MORN1: variants seen among roughly 807,000 people sequenced by gnomAD.
MORN1 encodes MORN repeat-containing protein 1.
MORN1 carries 67 observed loss-of-function variants against 61.9 expected under a neutral mutation model. The observed-to-expected ratio is 1.08, with a 90% CI of 0.89 to 1.33. The LOEUF is 1.33. MORN1 is among the 40% of genes most tolerant of loss of function. MORN1 has a pLI of 0.00. For synonymous variants in MORN1, 301 were observed against 292.0 expected, an observed-to-expected ratio of 1.03 and a Z score of -0.31; for missense variants, 752 against 691.2, an observed-to-expected ratio of 1.09 and a Z score of -0.99.
In MORN1 at chr1:2,327,101, C is replaced by A. The variant is rs1296900230; in HGVS notation, c.1251-2958G>T. Among the ~76,000 whole-genome samples the A allele has an allele frequency of 2.0e-5, 3 of 151,598 alleles. 1 individual carries two copies. The South Asian group carries it at 6.3e-4, about 32-fold the overall frequency. ...ACAAACACAGAGACACAGAAACACACAGAAACACACAGAAACACAGAAACA... is the reference window on the plus strand; with the variant it reads ...ACAAACACAGAGACACAGAAACACAAAGAAACACACAGAAACACAGAAACA... On this transcript the variant is annotated intron_variant, in intron 12 of 13. Coordinates refer to ENST00000378531, the MANE Select transcript of MORN1 (RefSeq NM_024848.3).
intron 9 of MORN1, among the ~76,000 whole-genome samples, chr1:2,358,132 T>C (rs1569987209): frequency 6.6e-6 from 1 of 152,296 alleles, no homozygotes; most frequent in East Asian, 1.9e-4. Flanking sequence ...GTGCACACAC[T>C]GGCCTGGTCC....
intron 10 of MORN1, chr1:2,350,325 A>G (rs1641616613): frequency 6.6e-6 from 1 of 152,250 alleles, no homozygotes; most frequent in Non-Finnish European, 1.5e-5. Flanking sequence ...ACAACTAAAC[A>G]ACTGAAATAT....
At chr1:2,335,161 G>A (rs1304026788) in intron 12 of MORN1, among the ~76,000 whole-genome samples, 5 of 152,220 alleles carry the variant, frequency 3.3e-5, no homozygotes, top group Admixed American at 2.0e-4. Context: ...TCGAAGGCCT[G>A]CCAGTGCCAG....
At chr1:2,322,680 C>T (rs768362825) in intron 13 of MORN1, 16 of 985,366 alleles carry the variant, frequency 1.6e-5, no homozygotes, top group Non-Finnish European at 1.8e-5. Flanking sequence ...AAGAGCCCCA[C>T]ATGGCAACGC....
intron 10 of MORN1, among the ~76,000 whole-genome samples, chr1:2,347,179 G>A (rs1641536974): frequency 6.6e-6 from 1 of 152,206 alleles, no homozygotes; most frequent in Non-Finnish European, 1.5e-5. Flanking sequence ...TTTGCTGGGG[G>A]AGGTGGTTTC....
chr1:2,348,642 C>T (rs547878994), intron 10 of MORN1, among the ~76,000 whole-genome samples: 26 of 151,792 alleles, frequency 1.7e-4, no homozygotes, highest in Middle Eastern at 3.4e-3. Flanking sequence ...CACGCACCTG[C>T]GCAGGCACGC....
chr1:2,355,368 C>A (rs1569980778), intron 10 of MORN1: 1 of 1,538,372 alleles, frequency 6.5e-7, no homozygotes, highest in Non-Finnish European at 8.8e-7. Context: ...GGGATGCCTG[C>A]ATGCTCTTTT....
intron 8 of MORN1, among the ~76,000 whole-genome samples, chr1:2,369,524 G>A (rs762085023): frequency 1.3e-5 from 2 of 151,928 alleles, no homozygotes; most frequent in East Asian, 1.9e-4. Context: ...CAATATGATC[G>A]TATATAGAGA....
At chr1:2,391,412 G>A (rs1570067105) in intron 1 of MORN1, 46 bp downstream of exon 1, 3 of 1,253,152 alleles carry the variant, frequency 2.4e-6, no homozygotes, top group South Asian at 7.2e-5. Context: ...ACCCTGAATG[G>A]AGCCCAGGGC....
At chr1:2,390,447 G>A (rs1642622134) in intron 1 of MORN1, 3 of 985,412 alleles carry the variant, frequency 3.0e-6, no homozygotes, top group Non-Finnish European at 3.6e-6. Flanking sequence ...TCGCTGGGGA[G>A]AAAATCCACA....
chr1:2,321,545 G>C lies in MORN1; in HGVS notation c.1332C>G (p.Thr444=), dbSNP rs1209694345. ...GCAGCCTGCGCCCCAGGAACGGCGG[G>C]GTGGTCACGTCGCGGATCATGAGCA... ...EYVLMIRDVT[T]PPFLGRRLPP... The change falls in exon 14 of 14, where the codon ACC becomes ACG. Residue 444 remains threonine, a synonymous_variant. Coordinates refer to ENST00000378531, the MANE Select transcript of MORN1 (RefSeq NM_024848.3). 9 of 1,527,050 alleles carry C rather than the reference G, an allele frequency of 5.9e-6. No individual in the cohort carries two copies. The highest frequency in any genetic ancestry group is 7.9e-6 in the Non-Finnish European group (9 of 1,135,602). The allele number at this position is 1,527,050 out of a possible 1,614,324, so 94.6% of individuals were successfully genotyped here.
intron 10 of MORN1, among the ~76,000 whole-genome samples, chr1:2,353,051 C>T (rs556342373): frequency 7.9e-5 from 12 of 152,326 alleles, no homozygotes; most frequent in Admixed American, 4.6e-4. Flanking sequence ...CAGCTGCCTG[C>T]GGTCCCAGGA....
At chr1:2,368,660 T>C (rs1342884879) in intron 8 of MORN1, among the ~76,000 whole-genome samples, 1 of 152,152 alleles carries the variant, frequency 6.6e-6, no homozygotes, top group African/African-American at 2.4e-5. Flanking sequence ...GATCTACAAA[T>C]GGCCCATAGC....
intron 8 of MORN1, among the ~76,000 whole-genome samples, chr1:2,367,009 T>C (rs149126369): frequency 2.7e-5 from 4 of 149,106 alleles, no homozygotes; most frequent in Non-Finnish European, 6.0e-5. Flanking sequence ...CATAGAAAAA[T>C]ACATAGAAAA....
chr1:2,323,092 C>G (rs888710178), intron 13 of MORN1: 6 of 985,398 alleles, frequency 6.1e-6, no homozygotes, highest in African/African-American at 1.7e-5. Flanking sequence ...AGCGCCTAGC[C>G]GATTCCTGTC....
intron 13 of MORN1, among the ~76,000 whole-genome samples, 174 bp from the exon 14 acceptor site, chr1:2,321,753 C>T (rs1165960687): frequency 2.0e-5 from 3 of 152,248 alleles, no homozygotes; most frequent in Admixed American, 6.5e-5. Flanking sequence ...GCCACCGGAC[C>T]GGTCCTGGGG....
At chr1:2,378,879 T>C in intron 6 of MORN1, 1 of 453,308 alleles carries the variant, frequency 2.2e-6, no homozygotes, top group South Asian at 1.6e-5. Context: ...CCAGGACCTC[T>C]GTGGCTTCCG....
intron 10 of MORN1, among the ~76,000 whole-genome samples, chr1:2,346,045 G>A (rs1641509632): frequency 9.2e-6 from 1 of 109,270 alleles, no homozygotes; most frequent in Admixed American, 1.3e-4. Flanking sequence ...AAAGCCACCA[G>A]GAACCTTCCT....
intron 4 of MORN1, chr1:2,386,485 A>C (rs1642501948): frequency 6.4e-6 from 1 of 155,394 alleles, no homozygotes; most frequent in African/African-American, 2.4e-5. Flanking sequence ...GCTGGAGTGC[A>C]GTGGCACGAT....
Sources: gnomAD v4.1 joint callset for allele counts (sites outside exome capture counted in the v4.1 genomes callset) on GRCh38, gnomAD v4.1.1 for gene constraint, MANE v1.5 for transcripts, NCBI Gene and HGNC (gene_info 2026-07-23, HGNC 2026-07-21) for gene names.